ADGRG4: variants seen among roughly 807,000 people sequenced by gnomAD.
ADGRG4 encodes G protein-coupled receptor 112.
ADGRG4 carries 122 observed loss-of-function variants against 126.2 expected under a neutral mutation model. The ratio of observed to expected loss-of-function variants is 0.97; its 90% CI spans 0.83 to 1.12. The LOEUF (loss-of-function observed/expected upper bound fraction) is 1.12. Ranked by LOEUF, ADGRG4 falls within the 50% of genes most tolerant of loss-of-function variation. The pLI, the probability that ADGRG4 is intolerant of heterozygous loss-of-function variation, is 0.00. For synonymous variants in ADGRG4, 943 were observed against 838.7 expected, an observed-to-expected ratio of 1.12 and a Z score of -2.15; for missense variants, 2,481 against 2,251.8, an observed-to-expected ratio of 1.10 and a Z score of -2.06.
chrX:136,311,762 C>T (rs920214357), intron 4 of ADGRG4, among the ~76,000 whole-genome samples: 20 of 111,414 alleles, frequency 1.8e-4, no homozygotes. Flanking sequence ...GCAGTCAGGA[C>T]ACAGTAGGAG....
At chrX:136,354,905 G>A (rs2148472538) in intron 8 of ADGRG4, among the ~76,000 whole-genome samples, 2 of 111,853 alleles carry the variant, frequency 1.8e-5, no homozygotes, top group East Asian at 5.7e-4. Context: ...GAACCTCCAT[G>A]TATTCAGCTC....
intron 17 of ADGRG4, 39 bp downstream of exon 17, chrX:136,392,393 AG>A (rs753091961): frequency 9.2e-7 from 1 of 1,091,128 alleles, no homozygotes; most frequent in Non-Finnish European, 1.2e-6. Flanking sequence ...AAATGGCCTC[AG>A]GAACTCTTCA....
rs2074847315 is a variant in ADGRG4 at position 136,322,861 on chromosome X, C to G, written c.154C>G (p.Leu52Val). The change falls in exon 5 of 26, where the codon CTC becomes GTC. Residue 52 changes from leucine to valine, a missense_variant. By Grantham distance (32) the Leu-to-Val change is conservative. Coordinates refer to ENST00000394143, the MANE Select transcript of ADGRG4 (RefSeq NM_153834.4). ...AAGCCTGATAGATACCATTCCTGAACTCAGCCGATTCACAGCATGCATTGA... is the reference window on the plus strand; with the variant it reads ...AAGCCTGATAGATACCATTCCTGAAGTCAGCCGATTCACAGCATGCATTGA... The part of the protein sequence containing the change: ...YVSLIDTIPE[L>V]SRFTACIDLV... 8.3e-7 allele frequency: 1 copy of G among 1,209,455 alleles called. No homozygotes were observed. Among genetic ancestry groups the G allele is most frequent in the South Asian group, 1.8e-5 (1 of 56,758 alleles).
intron 3 of ADGRG4, among the ~76,000 whole-genome samples, 165 bp from the exon 4 acceptor site, chrX:136,308,604 C>T (rs1404912781): frequency 1.8e-5 from 2 of 111,831 alleles, no homozygotes; most frequent in African/African-American, 6.5e-5. Flanking sequence ...TTCAGCCAGG[C>T]TGGGTATCTC....
At chrX:136,413,035 C>T (rs139955866) in intron 24 of ADGRG4, among the ~76,000 whole-genome samples, 2,614 of 90,833 alleles carry the variant, frequency 0.029, 38 homozygotes, top group Middle Eastern at 0.087. Context: ...ACTGAGATTC[C>T]CCCCATTCCC....
chrX:136,366,458 G>T (rs1254864246), intron 13 of ADGRG4, among the ~76,000 whole-genome samples: 2 of 112,463 alleles, frequency 1.8e-5, no homozygotes, highest in Non-Finnish European at 3.8e-5. Flanking sequence ...CATCTTGGTT[G>T]CTTCCAAGCT....
intron 8 of ADGRG4, among the ~76,000 whole-genome samples, chrX:136,353,745 G>A (rs1386379995): frequency 8.9e-6 from 1 of 111,939 alleles, no homozygotes; most frequent in Non-Finnish European, 1.9e-5. Context: ...CAATGCACGA[G>A]GATTTATAAG....
At chrX:136,343,734 T>A (rs2074993502) in intron 5 of ADGRG4, among the ~76,000 whole-genome samples, 1 of 112,372 alleles carries the variant, frequency 8.9e-6, no homozygotes, top group Non-Finnish European at 1.9e-5. Context: ...GAAAGCCAAC[T>A]GTTTTTTGAG....
chrX:136,359,952 G>A (rs2075117788), intron 11 of ADGRG4, among the ~76,000 whole-genome samples: 1 of 111,704 alleles, frequency 9.0e-6, no homozygotes, highest in Non-Finnish European at 1.9e-5. Context: ...TCCCAGTGCA[G>A]CTTTGTTCCT....
chrX:136,328,673 T>G (rs1245291800), intron 5 of ADGRG4, among the ~76,000 whole-genome samples: 1 of 112,101 alleles, frequency 8.9e-6, no homozygotes, highest in Non-Finnish European at 1.9e-5. Flanking sequence ...GTTTATGAAT[T>G]GACTATTCTT....
Position 136,346,395 on chromosome X carries a change from T to C in ADGRG4, c.2689T>C (p.Leu897=), listed in dbSNP as rs771568676. The C allele has an allele frequency of 1.4e-5, 17 of 1,208,864 alleles. No homozygotes were observed. The highest frequency in any genetic ancestry group is 1.8e-5 in the Non-Finnish European group (16 of 894,353). ...TGATATAGAAAAGCTAAGTACCCCA[T>C]TGGATAATAAAACTGCAACAACTGA... ...FPDIEKLSTP[L]DNKTATTEVR... is the part of the protein sequence containing the mutation. Residue 897 remains leucine (L), a synonymous_variant, in exon 6 of 26, where the codon TTG becomes CTG. Transcript: ENST00000394143.
Position 136,304,930 on chromosome X carries a change from C to T in ADGRG4, c.-103C>T, listed in dbSNP as rs776289231. On this transcript the variant is annotated 5_prime_UTR_variant, in exon 3 of 26. Coordinates refer to ENST00000394143, the MANE Select transcript of ADGRG4 (RefSeq NM_153834.4). ...TACTGGAAAGAAGAAGCAGTGGAGT[C>T]CTTGACAGAAGCAGTGGTGCTGGAA... The T allele has an allele frequency of 3.6e-5, 4 of 112,530 alleles. No individual in the cohort carries two copies. Among genetic ancestry groups the T allele is most frequent in the Non-Finnish European group, 5.6e-5 (3 of 53,319 alleles). 9.3% of individuals were successfully genotyped at this position (112,530 alleles called of 1,213,427 possible).
At chrX:136,321,850 T>A (rs1049499236) in intron 4 of ADGRG4, among the ~76,000 whole-genome samples, 6 of 112,359 alleles carry the variant, frequency 5.3e-5, no homozygotes, top group African/African-American at 6.5e-5. Flanking sequence ...TCATCTCACT[T>A]AATCTTCAAA....
chrX:136,311,296 T>C (rs1482463954), intron 4 of ADGRG4, among the ~76,000 whole-genome samples: 3 of 110,328 alleles, frequency 2.7e-5, no homozygotes, highest in Non-Finnish European at 5.7e-5. Context: ...GATTTTCCTC[T>C]TAATGGTGCT....
chrX:136,302,020 C>T (rs2074703625), intron 1 of ADGRG4, among the ~76,000 whole-genome samples: 2 of 112,030 alleles, frequency 1.8e-5, no homozygotes, highest in South Asian at 3.7e-4. Context: ...TAGCATGATG[C>T]CTCCAGCTTT....
intron 8 of ADGRG4, among the ~76,000 whole-genome samples, 176 bp downstream of exon 8, chrX:136,353,577 A>G (rs1390428276): frequency 9.0e-6 from 1 of 111,426 alleles, no homozygotes; most frequent in Non-Finnish European, 1.9e-5. Context: ...TTGTATTACT[A>G]TTGTAGGGCA....
chrX:136,384,209 C>T (rs2075281630), intron 15 of ADGRG4, among the ~76,000 whole-genome samples: 2 of 110,709 alleles, frequency 1.8e-5, no homozygotes, highest in African/African-American at 6.6e-5. Flanking sequence ...CCATGCCTGG[C>T]CTGCATTGTT....
At chrX:136,311,482 C>T (rs187048516) in intron 4 of ADGRG4, among the ~76,000 whole-genome samples, 2 of 109,933 alleles carry the variant, frequency 1.8e-5, no homozygotes, top group East Asian at 5.8e-4. Context: ...AAGAGTGTAA[C>T]GTGTTCTGGA....
At chrX:136,390,574 A>G (rs2075314569) in intron 16 of ADGRG4, among the ~76,000 whole-genome samples, 1 of 111,599 alleles carries the variant, frequency 9.0e-6, no homozygotes, top group Non-Finnish European at 1.9e-5. Flanking sequence ...GTAGGAGCTC[A>G]AAGATGAAAT....
Sources: gnomAD v4.1 joint callset for allele counts (sites outside exome capture counted in the v4.1 genomes callset) on GRCh38, gnomAD v4.1.1 for gene constraint, MANE v1.5 for transcripts, NCBI Gene and HGNC (gene_info 2026-07-23, HGNC 2026-07-21) for gene names.